SEC22C: variants seen among roughly 807,000 people sequenced by gnomAD.
SEC22C encodes the protein vesicle-trafficking protein SEC22c.
In SEC22C, 29 loss-of-function variants were observed where a neutral mutation model predicts 34.7. That is an observed-to-expected ratio of 0.84 (90% CI 0.62 to 1.14). The LOEUF (loss-of-function observed/expected upper bound fraction) is 1.14, where lower values mean the gene tolerates loss of function less well. SEC22C is among the 50% of genes most tolerant of loss of function. The pLI is 0.00. For synonymous variants in SEC22C, 117 were observed against 132.8 expected, an observed-to-expected ratio of 0.88 and a Z score of 0.82; for missense variants, 337 against 369.0, an observed-to-expected ratio of 0.91 and a Z score of 0.71.
chr3:42,570,239 C>T (rs1703533578), intron 1 of SEC22C, among the ~76,000 whole-genome samples: 1 of 152,160 alleles, frequency 6.6e-6, no homozygotes, highest in Non-Finnish European at 1.5e-5. Context: ...GTCTGCAATG[C>T]CACTCCTTTC....
intron 1 of SEC22C, among the ~76,000 whole-genome samples, chr3:42,574,187 G>A (rs1703811832): frequency 6.6e-6 from 1 of 151,988 alleles, no homozygotes; most frequent in Non-Finnish European, 1.5e-5. Context: ...GAGGCCAAAA[G>A]GAAGTAGCAC....
intron 4 of SEC22C, 24 bp from the exon 5 acceptor site, chr3:42,557,720 T>G: frequency 8.2e-7 from 1 of 1,224,362 alleles, no homozygotes; most frequent in Non-Finnish European, 1.2e-6. Flanking sequence ...AAAAAACAAG[T>G]GTCTAGTGTA....
chr3:42,590,437 T>C (rs1328061593), intron 1 of SEC22C, among the ~76,000 whole-genome samples: 1 of 152,064 alleles, frequency 6.6e-6, no homozygotes, highest in African/African-American at 2.4e-5. Flanking sequence ...GAGACCATCC[T>C]GGCTAATATG....
At chr3:42,574,815 T>G (rs1206780478) in intron 1 of SEC22C, among the ~76,000 whole-genome samples, 1 of 152,164 alleles carries the variant, frequency 6.6e-6, no homozygotes, top group Admixed American at 6.5e-5. Flanking sequence ...CTATAGATTA[T>G]AAAATGAAAT....
chr3:42,578,194 G>C (rs958036739), intron 1 of SEC22C, among the ~76,000 whole-genome samples: 1 of 152,056 alleles, frequency 6.6e-6, no homozygotes, highest in East Asian at 1.9e-4. Flanking sequence ...TAAACAAACC[G>C]CAGTATATTC....
chr3:42,570,732 G>C (rs984904923), intron 1 of SEC22C, among the ~76,000 whole-genome samples: 1 of 152,092 alleles, frequency 6.6e-6, no homozygotes, highest in Non-Finnish European at 1.5e-5. Context: ...ACCACAAAAG[G>C]AATCAGGGGA....
At chr3:42,590,834 A>G in intron 1 of SEC22C, 1 of 1,550,834 alleles carries the variant, frequency 6.4e-7, no homozygotes, top group Non-Finnish European at 8.9e-7. Flanking sequence ...CAACTTCGAG[A>G]GCGTAGGCCC....
At chr3:42,584,266 T>G (rs1264818730), upstream of SEC22C, among the ~76,000 whole-genome samples, 3 of 152,144 alleles carry the variant, frequency 2.0e-5, no homozygotes, top group African/African-American at 7.2e-5. Flanking sequence ...GAACACAGAC[T>G]TTTTTTGAGG....
At chr3:42,561,436 T>C (rs564496027) in intron 3 of SEC22C, 140 bp from the exon 4 acceptor site, 39 of 788,040 alleles carry the variant, frequency 4.9e-5, no homozygotes, top group Non-Finnish European at 7.1e-5. Context: ...AGTGCAGTGG[T>C]GCGATCACAA....
chr3:42,563,687 C>T lies in SEC22C; in HGVS notation c.183-1G>A, dbSNP rs752422354. ...GGCCACGTCCCCGAAAGAAGAAAAA[C>T]TGAAACAAAAGGGCAATATCTGTAT... On this transcript the variant is annotated splice_acceptor_variant, in intron 2 of 6. Coordinates refer to ENST00000264454, the MANE Select transcript of SEC22C (RefSeq NM_032970.4). LOFTEE classifies it high-confidence loss of function. 1.9e-6 allele frequency: 3 copies of T among 1,613,824 alleles called. No individual in the cohort carries two copies. The highest frequency in any genetic ancestry group is 2.5e-6 in the Non-Finnish European group (3 of 1,179,868).
At position 42,552,769 on chromosome 3, in the gene SEC22C, T is replaced by G; in HGVS notation, c.*479A>C. On this transcript the variant is annotated 3_prime_UTR_variant, in exon 7 of 7. Transcript: ENST00000264454. ...TTATCTAGCTTACATTTATGAACCA[T>G]ATTTTTAGGTTTTTAATTCATCCTG... 1.0e-6 allele frequency: 1 copy of G among 983,468 alleles called. No individual in the cohort carries two copies. Among genetic ancestry groups the G allele is most frequent in the Non-Finnish European group, 1.2e-6 (1 of 828,148 alleles). The allele number at this position is 983,468 out of a possible 1,614,324, so 60.9% of individuals were successfully genotyped here.
At chr3:42,555,360 A>AG (rs1216255874) in intron 6 of SEC22C, among the ~76,000 whole-genome samples, 1 of 151,058 alleles carries the variant, frequency 6.6e-6, no homozygotes. Context: ...AAAAAAAAAG[A>AG]AAAAAAAAGT....
intron 4 of SEC22C, among the ~76,000 whole-genome samples, chr3:42,559,109 A>C (rs1380011101): frequency 6.6e-6 from 1 of 152,222 alleles, no homozygotes; most frequent in Non-Finnish European, 1.5e-5. Context: ...ACTGAAATTG[A>C]TTTTGGTTCA....
At chr3:42,599,376 A>G (rs191553069) in intron 1 of SEC22C, among the ~76,000 whole-genome samples, 3 of 151,976 alleles carry the variant, frequency 2.0e-5, no homozygotes, top group African/African-American at 7.2e-5. Flanking sequence ...TATGGTCACA[A>G]GGCGAAGGTA....
At position 42,548,978 on chromosome 3, in the gene SEC22C, C is replaced by T. The variant is rs564065564; in HGVS notation, c.*4270G>A. On this transcript the variant is annotated 3_prime_UTR_variant, in exon 7 of 7. Coordinates refer to ENST00000264454, the MANE Select transcript of SEC22C (RefSeq NM_032970.4). Reference sequence around the variant, plus strand: ...GCGGGGGGGCAGATTGATGTTATCACCATTTACCAGATGAGGAAACTGAGG... The same window carrying T: ...GCGGGGGGGCAGATTGATGTTATCATCATTTACCAGATGAGGAAACTGAGG... The T allele has an allele frequency of 1.2e-3, 1,311 of 1,104,826 alleles. 1 individual carries two copies. Among genetic ancestry groups the T allele is most frequent in the Non-Finnish European group, 1.4e-3 (1,232 of 896,614 alleles). 68.4% of individuals were successfully genotyped at this position (1,104,826 alleles called of 1,614,324 possible).
intron 1 of SEC22C, among the ~76,000 whole-genome samples, chr3:42,595,619 T>C (rs1705006048): frequency 6.6e-6 from 1 of 152,248 alleles, no homozygotes; most frequent in Admixed American, 6.5e-5. Context: ...TAATTTATCA[T>C]TCTTTCTGAC....
chr3:42,577,831 A>T (rs1410572024), intron 1 of SEC22C, among the ~76,000 whole-genome samples: 1 of 152,140 alleles, frequency 6.6e-6, no homozygotes, highest in Non-Finnish European at 1.5e-5. Context: ...TTAGCTAGGC[A>T]TGGTGGTGGG....
intron 1 of SEC22C, among the ~76,000 whole-genome samples, chr3:42,574,023 A>G (rs1292894351): frequency 1.3e-5 from 2 of 152,230 alleles, no homozygotes; most frequent in African/African-American, 4.8e-5. Flanking sequence ...CAGAAAGGAT[A>G]AACCCAGAAA....
intron 6 of SEC22C, among the ~76,000 whole-genome samples, 166 bp from the exon 7 acceptor site, chr3:42,553,614 A>T (rs1702359214): frequency 6.6e-6 from 1 of 152,212 alleles, no homozygotes; most frequent in South Asian, 2.1e-4. Context: ...TAGGCTGCTA[A>T]TTATTGGACG....
Sources: gnomAD v4.1 joint callset for allele counts (sites outside exome capture counted in the v4.1 genomes callset) on GRCh38, gnomAD v4.1.1 for gene constraint, MANE v1.5 for transcripts, NCBI Gene and HGNC (gene_info 2026-07-23, HGNC 2026-07-21) for gene names.